The following ERAP1 variants were observed in gnomAD, a reference collection of about 807,000 sequenced individuals.
The protein encoded by ERAP1 is endoplasmic reticulum aminopeptidase 1.
In ERAP1, 86 loss-of-function variants were observed where a neutral mutation model predicts 103.7. The ratio of observed to expected loss-of-function variants is 0.83; its 90% CI spans 0.70 to 0.99. The LOEUF (loss-of-function observed/expected upper bound fraction) is 0.99, where lower values mean the gene tolerates loss of function less well. ERAP1 is among the 50% of genes least tolerant of loss of function. The pLI is 0.00. For missense variants in ERAP1, 1,009 were observed against 1,128.4 expected, an observed-to-expected ratio of 0.89 and a Z score of 1.52; for synonymous variants, 398 against 402.4, an observed-to-expected ratio of 0.99 and a Z score of 0.13.
At chr5:96,908,881 A>C in the ERAP1 span, 710,907 of 1,389,500 alleles carry the variant, frequency 0.51, 183,320 homozygotes, top group Middle Eastern at 0.61. Context: ...ATTGTTCTCT[A>C]TTTCATATTT....
At chr5:96,788,976 G>C (rs1776414735) in intron 10 of ERAP1, among the ~76,000 whole-genome samples, 1 of 152,168 alleles carries the variant, frequency 6.6e-6, no homozygotes, top group Admixed American at 6.5e-5. Flanking sequence ...CACAAAGCAG[G>C]CATGTGAATG....
At chr5:96,896,298 T>C in the ERAP1 span, 2 of 1,216,592 alleles carry the variant, frequency 1.6e-6, no homozygotes, top group Non-Finnish European at 2.3e-6. Context: ...AACATCTTAC[T>C]AAACCTACTA....
chr5:96,872,862 C>A, the ERAP1 span, among the ~76,000 whole-genome samples: 1 of 151,978 alleles, frequency 6.6e-6, no homozygotes, highest in Non-Finnish European at 1.5e-5. Context: ...GTTGAGAACA[C>A]CCTAAGAGGA....
At chr5:96,911,118 G>A in the ERAP1 span, among the ~76,000 whole-genome samples, 11 of 152,216 alleles carry the variant, frequency 7.2e-5, no homozygotes, top group African/African-American at 2.4e-4. Context: ...AATCCCATCT[G>A]CAAATGGCAA....
At chr5:96,901,697 C>G in the ERAP1 span, 2 of 1,612,006 alleles carry the variant, frequency 1.2e-6, no homozygotes, top group Non-Finnish European at 8.5e-7. Context: ...TGCTTTTCTT[C>G]TTTAGGTCTA....
At chr5:96,861,906 CA>C in the ERAP1 span, among the ~76,000 whole-genome samples, 2 of 151,988 alleles carry the variant, frequency 1.3e-5, no homozygotes, top group Non-Finnish European at 2.9e-5. Flanking sequence ...TTTTAATGAT[CA>C]AAATAAACTT....
At chr5:96,785,563 T>G in intron 13 of ERAP1, 3 of 548,598 alleles carry the variant, frequency 5.5e-6, no homozygotes, top group African/African-American at 1.9e-5. Context: ...GAATTATTAA[T>G]GAGAAAGATT....
chr5:96,908,137 A>G, the ERAP1 span, among the ~76,000 whole-genome samples: 2 of 152,210 alleles, frequency 1.3e-5, no homozygotes, highest in African/African-American at 2.4e-5. Flanking sequence ...TATGTTAATG[A>G]TAAGCCCAGA....
At chr5:96,765,511 G>A (rs1197307408) in intron 19 of ERAP1, among the ~76,000 whole-genome samples, 1 of 152,120 alleles carries the variant, frequency 6.6e-6, no homozygotes, top group Non-Finnish European at 1.5e-5. Flanking sequence ...ATCTGTGACA[G>A]AGATACCAGC....
At chr5:96,869,782 C>T in the ERAP1 span, among the ~76,000 whole-genome samples, 4 of 152,188 alleles carry the variant, frequency 2.6e-5, no homozygotes, top group South Asian at 2.1e-4. Flanking sequence ...TGAAATGGTT[C>T]GGAGAAGAGG....
At chr5:96,917,566 T>A in the ERAP1 span, 5 of 1,613,766 alleles carry the variant, frequency 3.1e-6, no homozygotes, top group Admixed American at 6.7e-5. Context: ...TGGAGAAGAA[T>A]CTTCCGACTC....
chr5:96,881,567 C>T, the ERAP1 span: 10 of 448,920 alleles, frequency 2.2e-5, no homozygotes, highest in Non-Finnish European at 4.5e-6. Context: ...CATGGCTTAA[C>T]CACACAGGGG....
the ERAP1 span, among the ~76,000 whole-genome samples, chr5:96,869,476 C>G: frequency 2.6e-5 from 4 of 152,100 alleles, no homozygotes; most frequent in African/African-American, 9.7e-5. Context: ...AACCATGAGC[C>G]CACTCATATT....
Position 96,764,068 on chromosome 5 carries a change from C to T in ERAP1, c.2819-840G>A, listed in dbSNP as rs112340722. Among the ~76,000 whole-genome samples the T allele has an allele frequency of 4.7e-3, 714 of 152,014 alleles. 5 individuals are homozygous for T. The highest frequency in any genetic ancestry group is 0.016 in the African/African-American group (677 of 41,458). The stretch of plus-strand genomic sequence containing the variant: ...TGAAAATCAACTGGAAAGTTCTATA[C>T]AGTATTGGACAGAGTTCAGCATGGT... On this transcript the variant is annotated intron_variant, in intron 19 of 19. Transcript: ENST00000296754.
the ERAP1 span, among the ~76,000 whole-genome samples, chr5:96,882,201 C>T: frequency 2.0e-5 from 3 of 152,226 alleles, no homozygotes; most frequent in African/African-American, 7.2e-5. Flanking sequence ...TCAACTTCTT[C>T]TCACTAAGGC....
At chr5:96,920,800 C>T in the ERAP1 span, among the ~76,000 whole-genome samples, 1 of 152,174 alleles carries the variant, frequency 6.6e-6, no homozygotes, top group Non-Finnish European at 1.5e-5. Flanking sequence ...CTCATCAAAG[C>T]CAGGTCTCCA....
chr5:96,884,067 T>TATC, the ERAP1 span: 2 of 657,658 alleles, frequency 3.0e-6, no homozygotes, highest in African/African-American at 3.9e-5. Context: ...TCTATCTATC[T>TATC]ATCTATCTAT....
At position 96,775,006 on chromosome 5, in the gene ERAP1, T is replaced by C; in HGVS notation, c.*1390A>G. The C allele has an allele frequency of 5.1e-6, 5 of 985,578 alleles. No homozygotes were observed. Among genetic ancestry groups the C allele is most frequent in the Non-Finnish European group, 6.0e-6 (5 of 829,936 alleles). 61.1% of individuals were successfully genotyped at this position (985,578 alleles called of 1,614,324 possible). A position where few individuals can be genotyped will look rare whatever the true frequency, so the allele number is the denominator to read the frequency against. On this transcript the variant is annotated 3_prime_UTR_variant, in exon 19 of 19. Coordinates refer to ENST00000443439, the MANE Select transcript of ERAP1 (RefSeq NM_001040458.3). ...AATTCTCCTTTGCCAGGTGTGAGGA[T>C]TTCCGCACCTTAGAGTCAGCGCAAA...
At chr5:96,783,455 C>T (rs200723652) in intron 14 of ERAP1, among the ~76,000 whole-genome samples, 1 of 152,254 alleles carries the variant, frequency 6.6e-6, no homozygotes, top group Admixed American at 6.5e-5. Flanking sequence ...ATAAGATATC[C>T]ATCTACTTAA....
Sources: gnomAD v4.1 joint callset for allele counts (sites outside exome capture counted in the v4.1 genomes callset) on GRCh38, gnomAD v4.1.1 for gene constraint, MANE v1.5 for transcripts, NCBI Gene and HGNC (gene_info 2026-07-23, HGNC 2026-07-21) for gene names.